The following SLIT3 variants were observed in gnomAD, a reference collection of about 807,000 sequenced individuals.
SLIT3 encodes slit homolog 3 protein.
Under a neutral mutation model 184.0 loss-of-function variants are expected in SLIT3, and 68 were observed. That is an observed-to-expected ratio of 0.37 (90% CI 0.30 to 0.45). The LOEUF is 0.45. Among genes scored for constraint, SLIT3 ranks in the 20% least tolerant of loss-of-function variants. The pLI is 1.00. For missense variants in SLIT3, 1,707 were observed against 2,026.0 expected, an observed-to-expected ratio of 0.84 and a Z score of 3.02; for synonymous variants, 831 against 828.6, an observed-to-expected ratio of 1.00 and a Z score of -0.05.
In SLIT3 at chr5:168,692,613, C is replaced by T. The variant is rs1761942692; in HGVS notation, c.3170G>A (p.Gly1057Glu). 6.2e-7 allele frequency: 1 copy of T among 1,612,944 alleles called. No individual in the cohort carries two copies. Among genetic ancestry groups the T allele is most frequent in the Non-Finnish European group, 8.5e-7 (1 of 1,179,170 alleles). The change falls in exon 29 of 36, where the codon GGA becomes GAA. Residue 1057 changes from glycine (G) to glutamate (E), a missense_variant. Transcript: ENST00000519560. ...HEAKCIPLDK[G>E]FSCECVPGYS... The stretch of plus-strand genomic sequence containing the variant: ...GCACGAAGCCAGGTCTTACCTGAAT[C>T]CTTTGTCCAGGGGGATGCACTTGGC...
At chr5:168,934,769 G>C (rs1762099058) in intron 4 of SLIT3, among the ~76,000 whole-genome samples, 1 of 152,034 alleles carries the variant, frequency 6.6e-6, no homozygotes, top group Admixed American at 6.6e-5. Flanking sequence ...GCCTATTCCT[G>C]AACACTTATT....
chr5:169,039,326 T>C (rs1359987890), intron 4 of SLIT3, among the ~76,000 whole-genome samples: 1 of 150,884 alleles, frequency 6.6e-6, no homozygotes, highest in African/African-American at 2.4e-5. Flanking sequence ...TGTTTTTTTT[T>C]TTTTTTTTGA....
intron 26 of SLIT3, among the ~76,000 whole-genome samples, chr5:168,701,346 T>G (rs1762207193): frequency 6.6e-6 from 1 of 152,218 alleles, no homozygotes; most frequent in Non-Finnish European, 1.5e-5. Flanking sequence ...TTGATTGATC[T>G]GGAGTGGGGT....
chr5:169,102,637 T>C (rs1007912612), intron 4 of SLIT3, among the ~76,000 whole-genome samples: 1 of 152,152 alleles, frequency 6.6e-6, no homozygotes, highest in Non-Finnish European at 1.5e-5. Flanking sequence ...ATGGAACCCA[T>C]GGATACAGAG....
chr5:169,024,466 G>A (rs1376006004), intron 4 of SLIT3: 1 of 152,188 alleles, frequency 6.6e-6, no homozygotes, highest in Non-Finnish European at 1.5e-5. Flanking sequence ...ACTGGGCAGG[G>A]GGTGCAGGTA....
intron 4 of SLIT3, among the ~76,000 whole-genome samples, chr5:168,897,679 A>ACACACACAC: frequency 2.4e-5 from 1 of 41,268 alleles, no homozygotes; most frequent in African/African-American, 5.1e-5. Context: ...CACACACACA[A>ACACACACAC]AGGGACATAC....
chr5:169,200,693 G>T (rs1168322912), intron 3 of SLIT3, among the ~76,000 whole-genome samples: 11 of 152,206 alleles, frequency 7.2e-5, no homozygotes, highest in Non-Finnish European at 1.5e-5. Context: ...AGTCAAAAGA[G>T]TAGAGATCCT....
intron 24 of SLIT3, 61 bp downstream of exon 24, chr5:168,712,222 C>A: frequency 7.0e-7 from 1 of 1,433,228 alleles, no homozygotes; most frequent in South Asian, 1.1e-5. Context: ...ATGACATTGT[C>A]GCTGACACTT....
At chr5:169,253,134 T>C (rs1765833832) in intron 1 of SLIT3, among the ~76,000 whole-genome samples, 1 of 151,846 alleles carries the variant, frequency 6.6e-6, no homozygotes, top group African/African-American at 2.4e-5. Context: ...AGAAGGGTTA[T>C]CCATGCAGGG....
intron 3 of SLIT3, among the ~76,000 whole-genome samples, chr5:169,221,514 T>G (rs1401209137): frequency 1.3e-5 from 2 of 152,138 alleles, no homozygotes; most frequent in African/African-American, 4.8e-5. Context: ...CAAGACAATG[T>G]TAGTCTACTC....
At chr5:168,950,119 G>A (rs924030127) in intron 4 of SLIT3, among the ~76,000 whole-genome samples, 12 of 152,072 alleles carry the variant, frequency 7.9e-5, no homozygotes, top group African/African-American at 2.9e-4. Context: ...TAGAGGTGGG[G>A]AGTTTGGGAG....
At chr5:169,072,482 C>T (rs974569247) in intron 4 of SLIT3, among the ~76,000 whole-genome samples, 2 of 152,176 alleles carry the variant, frequency 1.3e-5, no homozygotes. Flanking sequence ...CCAGGTCTCT[C>T]CAGCTCCAAA....
intron 1 of SLIT3, among the ~76,000 whole-genome samples, chr5:169,293,565 C>A (rs1767417199): frequency 6.6e-6 from 1 of 152,276 alleles, no homozygotes; most frequent in African/African-American, 2.4e-5. Flanking sequence ...TGGTTCCAGG[C>A]AGCCTATGTG....
At chr5:169,242,357 C>A (rs1236047137) in intron 3 of SLIT3, among the ~76,000 whole-genome samples, 1 of 152,336 alleles carries the variant, frequency 6.6e-6, no homozygotes, top group South Asian at 2.1e-4. Flanking sequence ...GTTCACTAAG[C>A]CTGTTTCCTC....
chr5:168,901,675 C>T (rs1192662859), intron 4 of SLIT3, among the ~76,000 whole-genome samples: 1 of 152,166 alleles, frequency 6.6e-6, no homozygotes, highest in Non-Finnish European at 1.5e-5. Flanking sequence ...AAAGGACTCG[C>T]CCAAAGTCAT....
chr5:168,754,500 T>G (rs1457953359), intron 16 of SLIT3, among the ~76,000 whole-genome samples: 1 of 151,894 alleles, frequency 6.6e-6, no homozygotes, highest in Non-Finnish European at 1.5e-5. Flanking sequence ...TTGAGGGAGA[T>G]GAAGAGAGGT....
intron 9 of SLIT3, among the ~76,000 whole-genome samples, chr5:168,800,518 C>T (rs13174632): frequency 1.3e-5 from 2 of 151,956 alleles, no homozygotes; most frequent in Non-Finnish European, 2.9e-5. Context: ...ACCTGGGAGG[C>T]GGAGGTTGCA....
In SLIT3 at chr5:169,300,236, T is replaced by C. The variant is rs976809761; in HGVS notation, c.197+277A>G. ...TTGCCTCCCCTCGCCTCTCCTCAGC[T>C]ACTCCTTGGAAGCTGTCAGCGGGCC... On this transcript the variant is annotated intron_variant, in intron 1 of 35. Coordinates refer to ENST00000519560, the MANE Select transcript of SLIT3 (RefSeq NM_003062.4). This position sits in a 1 kb window ranked among gnomAD's most constrained non-coding sequence, Gnocchi z 4.1. 1.3e-5 allele frequency among the ~76,000 whole-genome samples: 2 copies of C among 152,178 alleles called. No individual in the cohort carries two copies. Among genetic ancestry groups the C allele is most frequent in the African/African-American group, 4.8e-5 (2 of 41,454 alleles).
At chr5:168,788,423 A>G (rs1302400227) in intron 11 of SLIT3, among the ~76,000 whole-genome samples, 1 of 152,146 alleles carries the variant, frequency 6.6e-6, no homozygotes, top group African/African-American at 2.4e-5. Flanking sequence ...TGCCCACTCA[A>G]ATTAGGTAAA....
Sources: allele counts gnomAD v4.1 joint callset (sites outside exome capture counted in the v4.1 genomes callset), GRCh38; gene constraint gnomAD v4.1.1; non-coding constraint Gnocchi (gnomAD v3.1); transcripts MANE v1.5; gene names NCBI Gene and HGNC (gene_info 2026-07-23, HGNC 2026-07-21).